Variants in INPP4B observed in about 807,000 individuals in gnomAD.
INPP4B encodes inositol polyphosphate-4-phosphatase type II B.
Under a neutral mutation model 122.5 loss-of-function variants are expected in INPP4B, and 55 were observed. That is an observed-to-expected ratio of 0.45 (90% confidence interval 0.36 to 0.56). The LOEUF is 0.56. Among genes scored for constraint, INPP4B ranks in the 20% least tolerant of loss-of-function variants. The pLI is 0.00. For missense variants in INPP4B, 1,000 were observed against 1,097.7 expected, an observed-to-expected ratio of 0.91 and a Z score of 1.26; for synonymous variants, 403 against 388.7, an observed-to-expected ratio of 1.04 and a Z score of -0.43.
chr4:142,802,622 G>A lies in INPP4B; in HGVS notation c.-254+43587C>T, dbSNP rs1580951430. 2.0e-5 allele frequency among the ~76,000 whole-genome samples: 3 copies of A among 152,186 alleles called. No homozygotes were observed. The South Asian group carries it at 6.2e-4, about 32-fold the overall frequency. ...TTTTTGAAGTTAAAGCATCTCAAAA[G>A]AATTTAGCATTTTTCTCAAAGAACT... On this transcript the variant is annotated intron_variant, in intron 1 of 25. Transcript: ENST00000262992.
At position 142,028,634 on chromosome 4, in the gene INPP4B, A is replaced by G; in HGVS notation, c.*148T>C. ...TTTCAGAGCAATATGCTGATGATGA[A>G]TTGAAGTAGTTCCTAGATTTTGGGA... On this transcript the variant is annotated 3_prime_UTR_variant, in exon 26 of 26. Coordinates refer to ENST00000262992, the MANE Select transcript of INPP4B (RefSeq NM_001101669.3). The G allele has an allele frequency of 1.4e-6, 1 of 723,064 alleles. No homozygotes were observed. Among genetic ancestry groups the G allele is most frequent in the Non-Finnish European group, 2.3e-6 (1 of 443,134 alleles). 44.8% of individuals were successfully genotyped at this position (723,064 alleles called of 1,614,324 possible). A position where few individuals can be genotyped will look rare whatever the true frequency, so the allele number is the denominator to read the frequency against.
At chr4:142,826,727 C>T (rs1450325861) in intron 1 of INPP4B, among the ~76,000 whole-genome samples, 1 of 152,122 alleles carries the variant, frequency 6.6e-6, no homozygotes, top group African/African-American at 2.4e-5. Flanking sequence ...TTTCCATTCA[C>T]TCTGATAAGA....
At chr4:142,672,318 T>C (rs983592799) in intron 2 of INPP4B, among the ~76,000 whole-genome samples, 7 of 152,186 alleles carry the variant, frequency 4.6e-5, no homozygotes, top group African/African-American at 1.7e-4. Context: ...ATTTCCCAAC[T>C]GTGTTTGAAA....
At chr4:142,409,450 G>A (rs1020445432) in intron 5 of INPP4B, among the ~76,000 whole-genome samples, 10 of 152,000 alleles carry the variant, frequency 6.6e-5, no homozygotes, top group African/African-American at 1.9e-4. Flanking sequence ...CCGAGATTGC[G>A]TCATTGTGCT....
At chr4:142,786,148 CAACTAA>C (rs1157053310) in intron 1 of INPP4B, among the ~76,000 whole-genome samples, 1 of 152,086 alleles carries the variant, frequency 6.6e-6, no homozygotes, top group Non-Finnish European at 1.5e-5. Flanking sequence ...ACACCAGTCT[CAACTAA>C]AAGGAACCTG....
At chr4:142,489,243 A>AAAAAATACTGAATTT (rs1821567545) in intron 2 of INPP4B, among the ~76,000 whole-genome samples, 1 of 152,166 alleles carries the variant, frequency 6.6e-6, no homozygotes, top group African/African-American at 2.4e-5. Context: ...GTCTATTTTT[A>AAAAAATACTGAATTT]AAAAATTACT....
chr4:142,730,949 G>A (rs76792942), intron 1 of INPP4B, among the ~76,000 whole-genome samples: 5,900 of 119,474 alleles, frequency 0.049, 145 homozygotes, highest in African/African-American at 0.07. Flanking sequence ...AGTTGTTGCC[G>A]CACCAAGTTT....
At chr4:142,594,954 CAAA>C (rs70949177) in intron 2 of INPP4B, among the ~76,000 whole-genome samples, 3 of 58,046 alleles carry the variant, frequency 5.2e-5, no homozygotes, top group African/African-American at 7.0e-5. Flanking sequence ...GACTCTGTCT[CAAA>C]AAAAAAAAAA....
At chr4:142,464,018 T>C (rs1043979596) in intron 2 of INPP4B, among the ~76,000 whole-genome samples, 3 of 151,850 alleles carry the variant, frequency 2.0e-5, no homozygotes, top group Non-Finnish European at 4.4e-5. Flanking sequence ...ATAAGGGAGG[T>C]ACCATTATTA....
intron 11 of INPP4B, among the ~76,000 whole-genome samples, chr4:142,250,895 T>C (rs773498230): frequency 3.3e-5 from 5 of 152,294 alleles, no homozygotes; most frequent in Non-Finnish European, 7.4e-5. Flanking sequence ...TAATCATCTT[T>C]CACTCCACAA....
chr4:142,394,639 G>C (rs556978786), intron 7 of INPP4B, among the ~76,000 whole-genome samples: 64 of 152,128 alleles, frequency 4.2e-4, no homozygotes, highest in African/African-American at 1.3e-3. Flanking sequence ...TGTTTATGCA[G>C]GTCCTTTGCC....
chr4:142,248,318 TTC>T (rs773640823), intron 11 of INPP4B, among the ~76,000 whole-genome samples: 2,924 of 145,026 alleles, frequency 0.02, 132 homozygotes, highest in African/African-American at 0.073. Context: ...GTCTCTGTGT[TTC>T]TCTCTCTCTC....
At chr4:142,654,235 C>T (rs555815923) in intron 2 of INPP4B, among the ~76,000 whole-genome samples, 15 of 151,664 alleles carry the variant, frequency 9.9e-5, no homozygotes, top group African/African-American at 2.4e-4. Context: ...GTAGGGGGCT[C>T]GGGAAGGGAT....
intron 15 of INPP4B, among the ~76,000 whole-genome samples, chr4:142,184,541 C>T (rs1005069749): frequency 2.0e-5 from 3 of 152,170 alleles, no homozygotes; most frequent in African/African-American, 7.2e-5. Flanking sequence ...ATTCTTATGG[C>T]AGGCAACACT....
chr4:142,089,062 G>A (rs1778184201), intron 23 of INPP4B, among the ~76,000 whole-genome samples: 1 of 152,190 alleles, frequency 6.6e-6, no homozygotes, highest in Non-Finnish European at 1.5e-5. Context: ...CGAGGCATGA[G>A]CCAGTACTGC....
intron 15 of INPP4B, among the ~76,000 whole-genome samples, chr4:142,180,715 T>C (rs1830408017): frequency 6.6e-6 from 1 of 152,162 alleles, no homozygotes; most frequent in Non-Finnish European, 1.5e-5. Context: ...TAATTATGTT[T>C]TACTATCTCT....
At chr4:142,278,543 G>A (rs773200269) in intron 9 of INPP4B, among the ~76,000 whole-genome samples, 1 of 151,850 alleles carries the variant, frequency 6.6e-6, no homozygotes, top group Admixed American at 6.6e-5. Flanking sequence ...ACTATGAGGG[G>A]CAAAAAGTTA....
chr4:142,749,481 C>G (rs996892973), intron 1 of INPP4B, among the ~76,000 whole-genome samples: 6 of 149,388 alleles, frequency 4.0e-5, no homozygotes, highest in Non-Finnish European at 8.9e-5. Context: ...AAAGAGTAAA[C>G]CAATTAAAAG....
At chr4:142,545,716 T>TATATGTGTGTATATACAC (rs1829490574) in intron 2 of INPP4B, among the ~76,000 whole-genome samples, 3 of 126,752 alleles carry the variant, frequency 2.4e-5, no homozygotes, top group African/African-American at 9.4e-5. Context: ...TATGTGTGTG[T>TATATGTGTGTATATACAC]ATATGTGTGT....
Sources: allele counts gnomAD v4.1 joint callset (sites outside exome capture counted in the v4.1 genomes callset), GRCh38; gene constraint gnomAD v4.1.1; transcripts MANE v1.5; gene names NCBI Gene and HGNC (gene_info 2026-07-23, HGNC 2026-07-21).